CSMD1: variants seen among roughly 807,000 people sequenced by gnomAD.
CSMD1 encodes CUB and sushi domain-containing protein 1.
A neutral mutation model predicts 417.5 loss-of-function variants in CSMD1; 213 were observed. The observed-to-expected ratio is 0.51, with a 90% CI of 0.46 to 0.57. The LOEUF is 0.57. Among genes scored for constraint, CSMD1 ranks in the 20% least tolerant of loss-of-function variants. The pLI, the probability that CSMD1 is intolerant of heterozygous loss-of-function variation, is 0.00. For synonymous variants in CSMD1, 2,862 were observed against 1,736.8 expected (o/e 1.65, Z -16.11); for missense variants, 6,923 against 4,529.7 (o/e 1.53, Z -15.17).
chr8:4,800,196 T>G (rs915025438), intron 1 of CSMD1, among the ~76,000 whole-genome samples: 5 of 152,054 alleles, frequency 3.3e-5, no homozygotes, highest in African/African-American at 1.2e-4. Context: ...CCCAGCACGT[T>G]GGGAAGCCAA....
At chr8:3,775,376 C>A (rs1439704865) in intron 5 of CSMD1, among the ~76,000 whole-genome samples, 1 of 152,116 alleles carries the variant, frequency 6.6e-6, no homozygotes, top group South Asian at 2.1e-4. Context: ...CACAGCATAG[C>A]AGGTAACAGG....
chr8:3,536,007 C>A (rs923777398), intron 10 of CSMD1, among the ~76,000 whole-genome samples: 3 of 152,116 alleles, frequency 2.0e-5, no homozygotes, highest in Non-Finnish European at 4.4e-5. Context: ...CAACTTGAAA[C>A]AAAAAGTGAC....
chr8:4,371,331 C>A (rs998909374), intron 3 of CSMD1, among the ~76,000 whole-genome samples: 1 of 151,928 alleles, frequency 6.6e-6, no homozygotes, highest in Admixed American at 6.6e-5. Flanking sequence ...TGGCAACAGG[C>A]AAGTTAAAGT....
intron 1 of CSMD1, among the ~76,000 whole-genome samples, chr8:4,912,787 A>G (rs1805782043): frequency 8.1e-6 from 1 of 123,386 alleles, no homozygotes; most frequent in South Asian, 2.5e-4. Flanking sequence ...AGCACCAGCT[A>G]TTTTTTTTGG....
intron 21 of CSMD1, among the ~76,000 whole-genome samples, chr8:3,358,276 T>A (rs989176457): frequency 1.3e-5 from 2 of 152,144 alleles, no homozygotes; most frequent in Non-Finnish European, 2.9e-5. Context: ...TAATCTCTCA[T>A]CTCCCTTTTT....
chr8:3,012,007 A>T (rs1474322468), intron 52 of CSMD1, among the ~76,000 whole-genome samples: 1 of 152,204 alleles, frequency 6.6e-6, no homozygotes, highest in Non-Finnish European at 1.5e-5. Flanking sequence ...GCCTGGGGAG[A>T]GGTGTAGCAT....
At chr8:4,547,800 G>C (rs976444909) in intron 2 of CSMD1, among the ~76,000 whole-genome samples, 2 of 152,174 alleles carry the variant, frequency 1.3e-5, no homozygotes, top group East Asian at 1.9e-4. Flanking sequence ...AGAAAATAGA[G>C]TGTTAATGTG....
intron 33 of CSMD1, among the ~76,000 whole-genome samples, chr8:3,191,116 G>C (rs1399524229): frequency 6.6e-6 from 1 of 152,186 alleles, no homozygotes. Context: ...GTGCCATCAT[G>C]TTGCATTTAG....
intron 48 of CSMD1, among the ~76,000 whole-genome samples, chr8:3,088,642 T>C (rs1056426845): frequency 5.9e-5 from 9 of 152,074 alleles, no homozygotes; most frequent in African/African-American, 1.9e-4. Context: ...TTTTTTTTAA[T>C]GGGCTGATTT....
At chr8:4,600,607 C>G (rs1011154883) in intron 2 of CSMD1, among the ~76,000 whole-genome samples, 1 of 152,214 alleles carries the variant, frequency 6.6e-6, no homozygotes, top group African/African-American at 2.4e-5. Flanking sequence ...AATTCAACAT[C>G]AAACCTTATT....
chr8:4,216,573 C>G (rs1800684465), intron 3 of CSMD1, among the ~76,000 whole-genome samples: 1 of 152,148 alleles, frequency 6.6e-6, no homozygotes, highest in African/African-American at 2.4e-5. Context: ...CTGCCACTGC[C>G]AACGGAGCCC....
Position 3,590,030 on chromosome 8 carries a change from G to A in CSMD1, c.1098-3770C>T, listed in dbSNP as rs565155508. 1.3e-4 allele frequency among the ~76,000 whole-genome samples: 19 copies of A among 151,920 alleles called. 1 individual carries two copies. In the South Asian group the frequency reaches 4.0e-3, roughly 32 times the overall value. On this transcript the variant is annotated intron_variant, in intron 8 of 69. Coordinates refer to ENST00000635120, the MANE Select transcript of CSMD1 (RefSeq NM_033225.6). ...GACTGTGCTTGACTAAATTTTTTTG[G>A]ATATATTTGAAAGAATGCAACATCG...
chr8:4,292,247 G>A (rs1186435555), intron 3 of CSMD1, among the ~76,000 whole-genome samples: 5 of 151,856 alleles, frequency 3.3e-5, no homozygotes, highest in Non-Finnish European at 5.9e-5. Flanking sequence ...TGTCGTCGTT[G>A]TTGTTGTTGT....
intron 2 of CSMD1, among the ~76,000 whole-genome samples, chr8:4,539,630 TG>T (rs1797283405): frequency 6.6e-6 from 1 of 152,204 alleles, no homozygotes; most frequent in African/African-American, 2.4e-5. Flanking sequence ...GTACCACAGG[TG>T]GACTGCAAAT....
rs569634457 is a variant in CSMD1, at chr8:4,651,496, G to A, written c.86-13938C>T. On this transcript the variant is annotated intron_variant, in intron 1 of 69. Transcript: ENST00000635120. ...GGGGAGGAATTGAACAAACACAAGC[G>A]GATCACAGAAGAAAAAATAAAGTTT... 2.0e-5 allele frequency among the ~76,000 whole-genome samples: 3 copies of A among 152,076 alleles called. No individual in the cohort carries two copies. In the South Asian group the frequency reaches 6.2e-4, roughly 32 times the overall value.
intron 13 of CSMD1, among the ~76,000 whole-genome samples, chr8:3,409,159 T>C (rs1812527238): frequency 6.6e-6 from 1 of 152,210 alleles, no homozygotes; most frequent in African/African-American, 2.4e-5. Context: ...AACAACGATA[T>C]ATGTGATGAC....
At chr8:3,702,627 T>C (rs1483383123) in intron 7 of CSMD1, among the ~76,000 whole-genome samples, 1 of 152,160 alleles carries the variant, frequency 6.6e-6, no homozygotes, top group African/African-American at 2.4e-5. Context: ...GGTCAGGAAT[T>C]CAAGATCAGC....
intron 25 of CSMD1, among the ~76,000 whole-genome samples, chr8:3,304,818 G>T (rs1443860857): frequency 6.6e-6 from 1 of 151,796 alleles, no homozygotes; most frequent in Non-Finnish European, 1.5e-5. Context: ...TTTAGAGAAA[G>T]ACAATGCTCA....
chr8:4,556,806 G>C (rs924458612), intron 2 of CSMD1, among the ~76,000 whole-genome samples: 3 of 152,146 alleles, frequency 2.0e-5, no homozygotes, highest in African/African-American at 7.2e-5. Flanking sequence ...CTGACATAAA[G>C]CTCAAATCAA....
Sources: gnomAD v4.1 joint callset for allele counts (sites outside exome capture counted in the v4.1 genomes callset) on GRCh38, gnomAD v4.1.1 for gene constraint, MANE v1.5 for transcripts, NCBI Gene and HGNC (gene_info 2026-07-23, HGNC 2026-07-21) for gene names.